Variants in GYPE observed in about 807,000 individuals in gnomAD.
GYPE encodes glycophorin E (MNS blood group), also known as glycophorin-E.
Under a neutral mutation model 11.6 loss-of-function variants are expected in GYPE, and 8 were observed. The ratio of observed to expected loss-of-function variants is 0.69; its 90% CI spans 0.41 to 1.25. The LOEUF (loss-of-function observed/expected upper bound fraction) is 1.25, where lower values mean the gene tolerates loss of function less well. GYPE is among the 50% of genes most tolerant of loss of function. The pLI, the probability that GYPE is intolerant of heterozygous loss-of-function variation, is 0.01. For missense variants in GYPE, 90 were observed against 92.8 expected, an observed-to-expected ratio of 0.97 and a Z score of 0.12; for synonymous variants, 28 against 29.6, an observed-to-expected ratio of 0.94 and a Z score of 0.18.
intron 3 of GYPE, among the ~76,000 whole-genome samples, chr4:143,874,958 C>A (rs1743740043): frequency 6.6e-6 from 1 of 152,144 alleles, no homozygotes; most frequent in African/African-American, 2.4e-5. Flanking sequence ...CTAAAGTAAG[C>A]CTATCAAGAA....
intron 3 of GYPE, chr4:143,875,339 AT>A (rs1743754025): frequency 1.2e-6 from 1 of 804,460 alleles, no homozygotes; most frequent in East Asian, 2.7e-5. Context: ...TTTTATTTTT[AT>A]TTAGAAGTAG....
chr4:143,897,620 A>C (rs954092597), intron 1 of GYPE, among the ~76,000 whole-genome samples: 1 of 152,212 alleles, frequency 6.6e-6, no homozygotes, highest in Non-Finnish European at 1.5e-5. Context: ...ACAGTGTCTC[A>C]ATAATACTTG....
chr4:143,903,524 C>CAAAAAAAAAAAAAA (rs11400558), intron 1 of GYPE, among the ~76,000 whole-genome samples: 14 of 98,836 alleles, frequency 1.4e-4, no homozygotes, highest in African/African-American at 2.0e-4. Context: ...TTTTTCATAG[C>CAAAAAAAAAAAAAA]AAAAAAAAAA....
chr4:143,878,754 T>C (rs1743907612), intron 2 of GYPE: 1 of 428,122 alleles, frequency 2.3e-6, no homozygotes, highest in African/African-American at 2.1e-5. Context: ...ATCGAACTGT[T>C]CTGTGGGTTT....
At chr4:143,885,462 A>G (rs1158438526) in intron 1 of GYPE, among the ~76,000 whole-genome samples, 1 of 152,114 alleles carries the variant, frequency 6.6e-6, no homozygotes, top group Non-Finnish European at 1.5e-5. Context: ...TACTGCTCAC[A>G]GTAAAAGAGC....
At chr4:143,891,205 A>G (rs1217800925) in intron 1 of GYPE, among the ~76,000 whole-genome samples, 2 of 151,906 alleles carry the variant, frequency 1.3e-5, no homozygotes, top group South Asian at 2.1e-4. Context: ...AGCTACAGAC[A>G]ATATGTAAAC....
intron 3 of GYPE, among the ~76,000 whole-genome samples, 162 bp downstream of exon 3, chr4:143,876,584 A>G (rs1211548570): frequency 6.6e-6 from 1 of 152,190 alleles, no homozygotes; most frequent in African/African-American, 2.4e-5. Context: ...CAAAAAATAA[A>G]TTATGCTAGA....
At chr4:143,896,275 A>G (rs1203281721) in intron 1 of GYPE, among the ~76,000 whole-genome samples, 3 of 152,160 alleles carry the variant, frequency 2.0e-5, no homozygotes, top group Non-Finnish European at 4.4e-5. Context: ...AAGGGCTAAT[A>G]TCCAGAATCT....
chr4:143,880,072 G>A (rs892636394), intron 2 of GYPE, among the ~76,000 whole-genome samples: 2 of 152,220 alleles, frequency 1.3e-5, no homozygotes, highest in Non-Finnish European at 2.9e-5. Flanking sequence ...ATAGAGCTGA[G>A]CCCGGGTCTG....
rs1744395333 is a variant in GYPE at position 143,891,326 on chromosome 4, TTTC to T, written c.38-10820_38-10818del. 2.2e-3 allele frequency among the ~76,000 whole-genome samples: 6 copies of T among 2,696 alleles called. 1 individual carries two copies. The Non-Finnish European group carries it at 0.032, about 14-fold the overall frequency. 1.8% of individuals were successfully genotyped at this position (2,696 alleles called of 152,430 possible). Reference sequence around the variant, plus strand: ...ATTATTATTATTTTGATTTTTTTTGTTTCTTTTTTTTTTTTTTTTTGAGACAGA... The same window carrying T: ...ATTATTATTATTTTGATTTTTTTTGTTTTTTTTTTTTTTTTTTGAGACAGA... On this transcript the variant is annotated intron_variant, in intron 1 of 3. Transcript: ENST00000358615.
At chr4:143,872,825 A>C (rs1325197318) in intron 3 of GYPE, among the ~76,000 whole-genome samples, 1 of 151,850 alleles carries the variant, frequency 6.6e-6, no homozygotes, top group African/African-American at 2.4e-5. Context: ...AGTAAGTTGG[A>C]GTTTTGGGGA....
In GYPE at chr4:143,872,227, A is replaced by C. The variant is rs1256916603; in HGVS notation, c.*35T>G. The C allele has an allele frequency of 1.3e-5, 2 of 152,516 alleles. No homozygotes were observed. The highest frequency in any genetic ancestry group is 6.6e-5 in the Admixed American group (1 of 15,258). 9.4% of individuals were successfully genotyped at this position (152,516 alleles called of 1,614,324 possible). On this transcript the variant is annotated 3_prime_UTR_variant, in exon 4 of 4. Coordinates refer to ENST00000358615, the MANE Select transcript of GYPE (RefSeq NM_198682.3). ...TGTCCTTTCTTTGCTTTCTTCCTCT[A>C]ATCTCAATCCCAGAGGCATGAAAAC... is the stretch of plus-strand genomic sequence containing the variant.
chr4:143,903,616 C>A (rs1560954678), intron 1 of GYPE, among the ~76,000 whole-genome samples: 1 of 151,156 alleles, frequency 6.6e-6, no homozygotes, highest in Non-Finnish European at 1.5e-5. Flanking sequence ...TGATCTTACA[C>A]CTTTCTGTTA....
chr4:143,880,564 A>G (rs1440981109), intron 1 of GYPE, 55 bp from the exon 2 acceptor site: 12 of 1,612,470 alleles, frequency 7.4e-6, no homozygotes, highest in Non-Finnish European at 9.3e-6. Context: ...TGAGCGGACC[A>G]TAAAGCATAT....
At chr4:143,903,638 A>G (rs1310706466) in intron 1 of GYPE, among the ~76,000 whole-genome samples, 1 of 151,722 alleles carries the variant, frequency 6.6e-6, no homozygotes, top group Non-Finnish European at 1.5e-5. Context: ...ACTATTAAGT[A>G]GCCACATCAA....
intron 2 of GYPE, 31 bp downstream of exon 2, chr4:143,880,380 C>A (rs776351447): frequency 6.2e-7 from 1 of 1,613,494 alleles, no homozygotes; most frequent in South Asian, 1.1e-5. Context: ...GATTTCGGAG[C>A]CACAATTTAA....
In GYPE at chr4:143,891,316, A is replaced by AT. The variant is rs1174015133; in HGVS notation, c.38-10808dup. On this transcript the variant is annotated intron_variant, in intron 1 of 3. Transcript: ENST00000358615. ...TCCACATGTTATTATTATTATTTTGATTTTTTTTGTTTCTTTTTTTTTTTT... is the reference window on the plus strand; with the variant it reads ...TCCACATGTTATTATTATTATTTTGATTTTTTTTTGTTTCTTTTTTTTTTTT... Among the ~76,000 whole-genome samples, 10 of 16,048 alleles carry AT rather than the reference A, an allele frequency of 6.2e-4. 1 individual carries two copies. The highest frequency in any genetic ancestry group is 8.8e-3 in the East Asian group (1 of 114). 10.5% of individuals were successfully genotyped at this position (16,048 alleles called of 152,430 possible).
chr4:143,893,796 T>C (rs1389038867), intron 1 of GYPE, among the ~76,000 whole-genome samples: 1 of 152,116 alleles, frequency 6.6e-6, no homozygotes, highest in Non-Finnish European at 1.5e-5. Context: ...GTCTTGGAGT[T>C]GCTTTTCTCG....
rs1743639463 is a variant in GYPE at position 143,872,118 on chromosome 4, C to G, written c.*144G>C. 6.6e-6 allele frequency: 1 copy of G among 152,442 alleles called. No homozygotes were observed. The highest frequency in any genetic ancestry group is 1.5e-5 in the Non-Finnish European group (1 of 68,020). 9.4% of individuals were successfully genotyped at this position (152,442 alleles called of 1,614,324 possible). Reference sequence around the variant, plus strand: ...CATTTAGTTTCTGACTCCTAGAGTCCCTTAGTAGCCAGTCAACGTAAGCCA... The same window carrying G: ...CATTTAGTTTCTGACTCCTAGAGTCGCTTAGTAGCCAGTCAACGTAAGCCA... On this transcript the variant is annotated 3_prime_UTR_variant, in exon 4 of 4. Coordinates refer to ENST00000358615, the MANE Select transcript of GYPE (RefSeq NM_198682.3).
Sources: gnomAD v4.1 joint callset for allele counts (sites outside exome capture counted in the v4.1 genomes callset) on GRCh38, gnomAD v4.1.1 for gene constraint, MANE v1.5 for transcripts, NCBI Gene and HGNC (gene_info 2026-07-23, HGNC 2026-07-21) for gene names.